MTUS2: variants seen among roughly 807,000 people sequenced by gnomAD.
MTUS2 encodes microtubule associated scaffold protein 2, also known as microtubule-associated tumor suppressor candidate 2.
MTUS2 carries 40 observed loss-of-function variants against 114.1 expected under a neutral mutation model. That is an observed-to-expected ratio of 0.35 (90% CI 0.27 to 0.46). The LOEUF is 0.46. Among genes scored for constraint, MTUS2 ranks in the 20% least tolerant of loss-of-function variants. The pLI is 1.00. For missense variants in MTUS2, 1,679 were observed against 1,705.4 expected (o/e 0.98, Z 0.27); for synonymous variants, 688 against 672.0 (o/e 1.02, Z -0.37).
intron 8 of MTUS2, among the ~76,000 whole-genome samples, chr13:29,403,216 A>G (rs539003596): frequency 6.6e-6 from 1 of 152,230 alleles, no homozygotes; most frequent in African/African-American, 2.4e-5. Context: ...CTTGATAAGA[A>G]CTGGCCACTA....
At chr13:28,832,689 A>G (rs1257658662) in intron 1 of MTUS2, among the ~76,000 whole-genome samples, 1 of 148,018 alleles carries the variant, frequency 6.8e-6, no homozygotes, top group African/African-American at 2.4e-5. Flanking sequence ...ATATATTTAT[A>G]TAAATATAAA....
chr13:29,451,574 C>T (rs552897925), intron 9 of MTUS2, among the ~76,000 whole-genome samples: 16 of 151,276 alleles, frequency 1.1e-4, no homozygotes, highest in Admixed American at 9.9e-4. Context: ...TAGTAGGTTT[C>T]GTGTACTGTC....
At chr13:28,884,567 T>C (rs1421062996) in intron 2 of MTUS2, among the ~76,000 whole-genome samples, 2 of 108,940 alleles carry the variant, frequency 1.8e-5, no homozygotes, top group Admixed American at 1.8e-4. Flanking sequence ...AAAAATTGCA[T>C]AGATCTACAC....
At chr13:29,214,449 A>T (rs1159940559) in intron 5 of MTUS2, among the ~76,000 whole-genome samples, 1 of 152,100 alleles carries the variant, frequency 6.6e-6, no homozygotes, top group East Asian at 1.9e-4. Context: ...GTTTCTTCAT[A>T]ATGTCGTTGG....
intron 3 of MTUS2, among the ~76,000 whole-genome samples, chr13:29,032,218 C>T (rs555688692): frequency 2.0e-4 from 30 of 152,212 alleles, no homozygotes; most frequent in Admixed American, 5.9e-4. Flanking sequence ...TGCGATCTCA[C>T]CAGAAACAAA....
At chr13:28,969,027 A>G (rs1205388793) in intron 2 of MTUS2, among the ~76,000 whole-genome samples, 1 of 152,158 alleles carries the variant, frequency 6.6e-6, no homozygotes, top group Non-Finnish European at 1.5e-5. Context: ...TAAAGCTGCA[A>G]TTTTTTGTAT....
At chr13:29,418,004 C>T (rs1875795325) in intron 8 of MTUS2, among the ~76,000 whole-genome samples, 1 of 152,074 alleles carries the variant, frequency 6.6e-6, no homozygotes, top group Non-Finnish European at 1.5e-5. Flanking sequence ...GGATTTGTAT[C>T]TTTTGATTTT....
chr13:28,938,988 A>G (rs1428292551), intron 2 of MTUS2, among the ~76,000 whole-genome samples: 1 of 152,182 alleles, frequency 6.6e-6, no homozygotes, highest in Non-Finnish European at 1.5e-5. Context: ...TAATTTCTTC[A>G]TTCTGCTTCA....
intron 2 of MTUS2, among the ~76,000 whole-genome samples, chr13:29,012,630 T>C (rs1885897143): frequency 6.6e-6 from 1 of 151,362 alleles, no homozygotes; most frequent in African/African-American, 2.4e-5. Context: ...TCCCAGCACT[T>C]TGGGAGGCCG....
At chr13:29,032,154 TAA>T (rs1886857573) in intron 3 of MTUS2, among the ~76,000 whole-genome samples, 1 of 152,108 alleles carries the variant, frequency 6.6e-6, no homozygotes, top group Admixed American at 6.5e-5. Context: ...CTTGTTTAAT[TAA>T]AAATGCACAG....
At chr13:28,871,057 A>G (rs1384259911) in intron 2 of MTUS2, among the ~76,000 whole-genome samples, 1 of 152,214 alleles carries the variant, frequency 6.6e-6, no homozygotes, top group African/African-American at 2.4e-5. Flanking sequence ...GATGTAACAC[A>G]TGTTTATTAA....
At position 29,329,206 on chromosome 13, in the gene MTUS2, C is replaced by T. The variant is rs993378311; in HGVS notation, c.2905+4495C>T. On this transcript the variant is annotated intron_variant, in intron 7 of 15. Transcript: ENST00000612955. ...TGCAGGTTTGTTACATAGGTGTACA[C>T]GTGCCATGGTGGTTTGCTGCACCCA... is the stretch of plus-strand genomic sequence containing the variant. 2.0e-5 allele frequency among the ~76,000 whole-genome samples: 3 copies of T among 152,002 alleles called. No individual in the cohort carries two copies. In the East Asian group the frequency reaches 5.8e-4, roughly 29 times the overall value.
At chr13:29,113,225 A>C (rs1173812890) in intron 5 of MTUS2, among the ~76,000 whole-genome samples, 1 of 152,194 alleles carries the variant, frequency 6.6e-6, no homozygotes, top group African/African-American at 2.4e-5. Flanking sequence ...CTGGTTGAAG[A>C]GGGATGTATG....
chr13:29,114,141 A>G (rs541795332), intron 5 of MTUS2, among the ~76,000 whole-genome samples: 1 of 151,820 alleles, frequency 6.6e-6, no homozygotes, highest in Non-Finnish European at 1.5e-5. Flanking sequence ...TTGCAGAAAC[A>G]TGAGCTGATT....
At chr13:29,209,376 T>A (rs183220171) in intron 5 of MTUS2, among the ~76,000 whole-genome samples, 8 of 152,312 alleles carry the variant, frequency 5.3e-5, no homozygotes, top group Admixed American at 3.9e-4. Flanking sequence ...TCTTATCCAT[T>A]CTTCCATTCT....
At chr13:29,309,497 G>A (rs1456058912) in intron 6 of MTUS2, among the ~76,000 whole-genome samples, 1 of 152,246 alleles carries the variant, frequency 6.6e-6, no homozygotes, top group Admixed American at 6.5e-5. Context: ...ATACCTAGGT[G>A]ATGGGATGGT....
In MTUS2 at chr13:29,024,720, A is replaced by G. The variant is rs1266592745; in HGVS notation, c.22A>G (p.Lys8Glu). 4 of 1,613,868 alleles carry G rather than the reference A, an allele frequency of 2.5e-6. No individual in the cohort carries two copies. The highest frequency in any genetic ancestry group is 1.7e-5 in the Admixed American group (1 of 60,012). The change falls in exon 3 of 16, where the codon AAG (lysine) becomes GAG (glutamate). Residue 8 changes from lysine (K) to glutamate (E), a missense_variant. Coordinates refer to ENST00000612955, the MANE Select transcript of MTUS2 (RefSeq NM_001033602.4). Reference sequence around the variant, plus strand: ...GACAATGAGCGTCCCAGTGGCTCCTAAGAAATCATGTTACACTCAGTTGCG... The same window carrying G: ...GACAATGAGCGTCCCAGTGGCTCCTGAGAAATCATGTTACACTCAGTTGCG... MSVPVAP[K>E]KSCYTQLRDN... is the part of the protein sequence containing the mutation.
chr13:29,488,320 A>G (rs1881786991), intron 11 of MTUS2, among the ~76,000 whole-genome samples: 1 of 152,204 alleles, frequency 6.6e-6, no homozygotes, highest in Non-Finnish European at 1.5e-5. Flanking sequence ...TCCTTGGTCC[A>G]TAGTGCAGTG....
At chr13:29,434,605 G>A (rs1447119417) in intron 8 of MTUS2, among the ~76,000 whole-genome samples, 1 of 152,214 alleles carries the variant, frequency 6.6e-6, no homozygotes, top group African/African-American at 2.4e-5. Flanking sequence ...TAGCTGTTCT[G>A]TTGGTTTCTA....
Sources: gnomAD v4.1 joint callset for allele counts (sites outside exome capture counted in the v4.1 genomes callset) on GRCh38, gnomAD v4.1.1 for gene constraint, MANE v1.5 for transcripts, NCBI Gene and HGNC (gene_info 2026-07-23, HGNC 2026-07-21) for gene names.